The following POFUT3 variants were observed in gnomAD, a reference collection of about 807,000 sequenced individuals.
POFUT3 encodes protein O-fucosyltransferase 3.
chr8:33,436,207 T>C, the POFUT3 span: 1 of 1,290,952 alleles, frequency 7.7e-7, no homozygotes. Context: ...GCCGAGAACG[T>C]CCCAGAGACT....
the POFUT3 span, among the ~76,000 whole-genome samples, chr8:33,385,494 T>C: frequency 6.6e-6 from 1 of 152,152 alleles, no homozygotes; most frequent in East Asian, 1.9e-4. Flanking sequence ...ATGAACACAG[T>C]CTCAGAGGGG....
At chr8:33,368,257 G>T in the POFUT3 span, among the ~76,000 whole-genome samples, 1 of 152,246 alleles carries the variant, frequency 6.6e-6, no homozygotes, top group South Asian at 2.1e-4. Context: ...CTGACCAGAG[G>T]CTTGGCTGTT....
chr8:33,471,308 C>T, the POFUT3 span, among the ~76,000 whole-genome samples: 4 of 152,156 alleles, frequency 2.6e-5, no homozygotes, highest in South Asian at 2.1e-4. Flanking sequence ...AGTGCAGTGG[C>T]GCAGTCTTGG....
chr8:33,447,194 A>ACC, the POFUT3 span, among the ~76,000 whole-genome samples: 2 of 152,158 alleles, frequency 1.3e-5, no homozygotes, highest in African/African-American at 4.8e-5. Context: ...CAAGCCTGTT[A>ACC]ATCCCAGCAC....
chr8:33,430,140 C>T, the POFUT3 span, among the ~76,000 whole-genome samples: 8 of 152,140 alleles, frequency 5.3e-5, no homozygotes, highest in East Asian at 1.9e-4. Flanking sequence ...AAACCTACGA[C>T]TTGTATGAGC....
chr8:33,377,240 A>T, the POFUT3 span, among the ~76,000 whole-genome samples: 5 of 152,272 alleles, frequency 3.3e-5, no homozygotes, highest in Admixed American at 2.0e-4. Flanking sequence ...TCAAAAAAAA[A>T]AAAAAGAATT....
At chr8:33,360,953 G>A in the POFUT3 span, 2 of 152,180 alleles carry the variant, frequency 1.3e-5, no homozygotes. Context: ...CACAGAAACA[G>A]GAAGTAGTAA....
chr8:33,347,203 ACT>A, the POFUT3 span, among the ~76,000 whole-genome samples: 1 of 152,016 alleles, frequency 6.6e-6, no homozygotes, highest in African/African-American at 2.4e-5. Context: ...CGCAATCAAC[ACT>A]CTGAGCTGAC....
chr8:33,455,903 G>GAAA, the POFUT3 span: 58 of 374,626 alleles, frequency 1.5e-4, no homozygotes, highest in South Asian at 2.0e-4. Flanking sequence ...GGCCAAAAAA[G>GAAA]AAAAAAAAAA....
chr8:33,320,097 A>G, the POFUT3 span, among the ~76,000 whole-genome samples: 3 of 152,028 alleles, frequency 2.0e-5, no homozygotes, highest in African/African-American at 7.2e-5. Flanking sequence ...AACAGAGACT[A>G]TGCCATGTGT....
the POFUT3 span, among the ~76,000 whole-genome samples, chr8:33,405,627 G>T: frequency 5.3e-5 from 8 of 152,142 alleles, no homozygotes; most frequent in African/African-American, 9.7e-5. Flanking sequence ...GTAATTTCTT[G>T]ATTATTCCAA....
chr8:33,378,107 A>G, the POFUT3 span, among the ~76,000 whole-genome samples: 1 of 152,232 alleles, frequency 6.6e-6, no homozygotes, highest in Non-Finnish European at 1.5e-5. Flanking sequence ...ATGGACCTCC[A>G]TCAAATGCTC....
the POFUT3 span, among the ~76,000 whole-genome samples, chr8:33,343,022 G>T: frequency 1.3e-5 from 2 of 151,482 alleles, no homozygotes; most frequent in Admixed American, 6.6e-5. Flanking sequence ...CAGGAGAATC[G>T]CTTGAACCTA....
At chr8:33,358,114 G>T in the POFUT3 span, among the ~76,000 whole-genome samples, 1 of 152,136 alleles carries the variant, frequency 6.6e-6, no homozygotes, top group African/African-American at 2.4e-5. Context: ...TTAGCCAGGT[G>T]TTGTGGTGTG....
At chr8:33,348,009 C>A in the POFUT3 span, among the ~76,000 whole-genome samples, 1 of 152,072 alleles carries the variant, frequency 6.6e-6, no homozygotes, top group Non-Finnish European at 1.5e-5. Context: ...GAAACTTGGT[C>A]TCTACTAAAA....
At chr8:33,416,103 A>G in the POFUT3 span, among the ~76,000 whole-genome samples, 4 of 152,260 alleles carry the variant, frequency 2.6e-5, no homozygotes, top group African/African-American at 9.6e-5. Context: ...AACAAAAACA[A>G]TCAAAGAAAC....
At chr8:33,335,812 T>C in the POFUT3 span, among the ~76,000 whole-genome samples, 1 of 152,284 alleles carries the variant, frequency 6.6e-6, no homozygotes, top group South Asian at 2.1e-4. Flanking sequence ...ATATTTACTA[T>C]TTATTAAGTG....
At chr8:33,344,231 G>A in the POFUT3 span, among the ~76,000 whole-genome samples, 69 of 152,136 alleles carry the variant, frequency 4.5e-4, no homozygotes, top group East Asian at 3.3e-3. Flanking sequence ...GTCTGGATAC[G>A]CTTATGTTTT....
chr8:33,357,538 G>GTGTGTATATATATATACATATATA, the POFUT3 span, among the ~76,000 whole-genome samples: 7 of 151,138 alleles, frequency 4.6e-5, no homozygotes, highest in Admixed American at 2.0e-4. Context: ...ATACATATAT[G>GTGTGTATATATATATACATATATA]TGTGTATATA....
Sources: allele counts gnomAD v4.1 joint callset (sites outside exome capture counted in the v4.1 genomes callset), GRCh38; gene constraint gnomAD v4.1.1; transcripts MANE v1.5; gene names NCBI Gene and HGNC (gene_info 2026-07-23, HGNC 2026-07-21).